Variants in PLPP4 observed in about 807,000 individuals in gnomAD.
PLPP4 encodes the protein phospholipid phosphatase 4, also known as diacylglycerol pyrophosphate like 2.
A neutral mutation model predicts 32.2 loss-of-function variants in PLPP4; 20 were observed. The observed-to-expected ratio is 0.62, with a 90% CI of 0.44 to 0.90. The LOEUF is 0.90. Among genes scored for constraint, PLPP4 ranks in the 40% least tolerant of loss-of-function variants. The pLI, the probability that PLPP4 is intolerant of heterozygous loss-of-function variation, is 0.00. For synonymous variants in PLPP4, 127 were observed against 133.0 expected, an observed-to-expected ratio of 0.95 and a Z score of 0.31; for missense variants, 257 against 353.1, an observed-to-expected ratio of 0.73 and a Z score of 2.18.
At chr10:120,501,557 T>C (rs1845251306) in intron 1 of PLPP4, among the ~76,000 whole-genome samples, 1 of 152,214 alleles carries the variant, frequency 6.6e-6, no homozygotes, top group Non-Finnish European at 1.5e-5. Flanking sequence ...GTTAAATGAC[T>C]CATTATGTGC....
At chr10:120,489,256 G>A (rs1157275516) in intron 1 of PLPP4, among the ~76,000 whole-genome samples, 4 of 152,208 alleles carry the variant, frequency 2.6e-5, no homozygotes, top group Non-Finnish European at 4.4e-5. Context: ...TGATAGCGGT[G>A]GTGGACAGGG....
chr10:120,521,056 T>A lies in PLPP4; in HGVS notation c.406T>A (p.Ser136Thr). The A allele has an allele frequency of 6.2e-7, 1 of 1,614,128 alleles. No homozygotes were observed. Among genetic ancestry groups the A allele is most frequent in the Non-Finnish European group, 8.5e-7 (1 of 1,180,004 alleles). The change falls in exon 5 of 7, where the codon TCC becomes ACC. Residue 136 changes from serine to threonine, a missense_variant. Transcript: ENST00000398250. ...MHCTGDPDLV[S>T]EGRKSFPSIH... ...TTGCACAGGTGACCCCGATCTGGTGTCCGAGGGCCGCAAAAGCTTCCCCAG... is the reference window on the plus strand; with the variant it reads ...TTGCACAGGTGACCCCGATCTGGTGACCGAGGGCCGCAAAAGCTTCCCCAG...
At chr10:120,583,273 G>C (rs1395713724) in intron 6 of PLPP4, among the ~76,000 whole-genome samples, 1 of 151,796 alleles carries the variant, frequency 6.6e-6, no homozygotes, top group African/African-American at 2.4e-5. Context: ...CAGTATGGCA[G>C]AACTCATAAG....
chr10:120,561,791 C>T (rs879278421), intron 5 of PLPP4, among the ~76,000 whole-genome samples: 1 of 152,158 alleles, frequency 6.6e-6, no homozygotes, highest in Non-Finnish European at 1.5e-5. Flanking sequence ...AATGCTTTCT[C>T]CCAGAAGTGA....
intron 6 of PLPP4, among the ~76,000 whole-genome samples, chr10:120,579,492 T>C (rs11199418): frequency 0.42 from 64,078 of 151,968 alleles, 13,823 homozygotes; most frequent in Non-Finnish European, 0.47. Flanking sequence ...CTAAATATAG[T>C]TACCAAGCTT....
In PLPP4 at chr10:120,575,229, G is replaced by A. The variant is rs752305239; in HGVS notation, c.544G>A (p.Ala182Thr). The A allele has an allele frequency of 6.2e-6, 10 of 1,614,056 alleles. No homozygotes were observed. Among genetic ancestry groups the A allele is most frequent in the Non-Finnish European group, 5.1e-6 (6 of 1,180,032 alleles). ...GRGKSWRLCA[A>T]ILPLYCAMMI... Reference sequence around the variant, plus strand: ...GGGAAAGAGCTGGCGGCTCTGTGCTGCCATCCTGCCCTTGTACTGCGCCAT... The same window carrying A: ...GGGAAAGAGCTGGCGGCTCTGTGCTACCATCCTGCCCTTGTACTGCGCCAT... Residue 182 changes from alanine to threonine, a missense_variant, in exon 6 of 7, where the codon GCC becomes ACC. Physicochemically the swap from Ala to Thr is moderately conservative, Grantham distance 58. Transcript: ENST00000398250.
At chr10:120,552,165 G>GGTGTGAGT (rs1847933111) in intron 5 of PLPP4, among the ~76,000 whole-genome samples, 1 of 138,546 alleles carries the variant, frequency 7.2e-6, no homozygotes, top group East Asian at 2.2e-4. Flanking sequence ...GTGGTGGTGG[G>GGTGTGAGT]GTGTGTGTGT....
At chr10:120,462,899 AG>A (rs969224647) in intron 1 of PLPP4, among the ~76,000 whole-genome samples, 3 of 151,446 alleles carry the variant, frequency 2.0e-5, no homozygotes, top group African/African-American at 7.3e-5. Flanking sequence ...TGTAAGAGGG[AG>A]GGGGACTTTT....
At chr10:120,461,342 A>G (rs1848037894) in intron 1 of PLPP4, among the ~76,000 whole-genome samples, 1 of 152,200 alleles carries the variant, frequency 6.6e-6, no homozygotes, top group Non-Finnish European at 1.5e-5. Flanking sequence ...CTGTATTTAC[A>G]AGATTGCAGA....
intron 5 of PLPP4, among the ~76,000 whole-genome samples, chr10:120,543,202 C>T (rs1444784995): frequency 6.6e-6 from 1 of 152,136 alleles, no homozygotes; most frequent in Non-Finnish European, 1.5e-5. Flanking sequence ...CCAGGGACAC[C>T]CAGGGGACTA....
intron 1 of PLPP4, among the ~76,000 whole-genome samples, chr10:120,481,005 A>T (rs756282058): frequency 2.3e-4 from 35 of 152,204 alleles, no homozygotes; most frequent in Admixed American, 1.0e-3. Context: ...CTGATTGTAC[A>T]TCTTCCCTTT....
chr10:120,569,287 T>G (rs1038018714), intron 5 of PLPP4, among the ~76,000 whole-genome samples: 6 of 151,602 alleles, frequency 4.0e-5, no homozygotes, highest in Non-Finnish European at 8.8e-5. Context: ...CTTTCCCTCC[T>G]TGTATCTGCC....
rs1278427158 is a variant in PLPP4 at position 120,459,765 on chromosome 10, G to GC, written c.56+2409dup. Among the ~76,000 whole-genome samples the GC allele has an allele frequency of 3.9e-5, 6 of 152,242 alleles. 1 individual carries two copies. In the Middle Eastern group the frequency reaches 0.014, roughly 345 times the overall value. ...GTATCTTGCTTCTTTGCAAACTTAT[G>GC]CCCCCGGAGAAACATCACCTGTAGA... On this transcript the variant is annotated intron_variant, in intron 1 of 6. Coordinates refer to ENST00000398250, the MANE Select transcript of PLPP4 (RefSeq NM_001030059.3).
At chr10:120,588,125 C>G (rs571564243) in intron 6 of PLPP4, among the ~76,000 whole-genome samples, 1 of 152,318 alleles carries the variant, frequency 6.6e-6, no homozygotes, top group African/African-American at 2.4e-5. Flanking sequence ...GAAGTCTGTA[C>G]GGTTCAACAA....
chr10:120,584,803 C>A (rs1849675940), intron 6 of PLPP4, among the ~76,000 whole-genome samples: 1 of 152,202 alleles, frequency 6.6e-6, no homozygotes, highest in Non-Finnish European at 1.5e-5. Flanking sequence ...TGCTGAGAAG[C>A]AGCTTGGATA....
rs139369255 is a variant in PLPP4, at chr10:120,586,458, A to G, written c.617-2845A>G. On this transcript the variant is annotated intron_variant, in intron 6 of 6. Transcript: ENST00000398250. ...AAATGCACCTTGGTAGAGTCTCCAA[A>G]TAATCTCAATGTGTGGCCTCAGTAG... Among the ~76,000 whole-genome samples, 368 of 152,238 alleles carry G rather than the reference A, an allele frequency of 2.4e-3. 2 individuals are homozygous for G. The highest frequency in any genetic ancestry group is 7.9e-3 in the African/African-American group (328 of 41,540).
chr10:120,580,325 C>T (rs952249500), intron 6 of PLPP4, among the ~76,000 whole-genome samples: 4 of 152,050 alleles, frequency 2.6e-5, no homozygotes, highest in African/African-American at 9.7e-5. Flanking sequence ...TGCTGCCTTC[C>T]TTTTATGGCT....
chr10:120,576,947 A>G (rs1373037344), intron 6 of PLPP4, among the ~76,000 whole-genome samples: 5 of 152,228 alleles, frequency 3.3e-5, no homozygotes, highest in Non-Finnish European at 7.3e-5. Context: ...TACGGGCCAA[A>G]TGGCCTTTTA....
intron 5 of PLPP4, among the ~76,000 whole-genome samples, chr10:120,566,820 G>A (rs533838246): frequency 2.0e-5 from 3 of 152,334 alleles, no homozygotes; most frequent in East Asian, 3.9e-4. Flanking sequence ...CTCCCAAAGT[G>A]CTGGGATTAC....
Sources: gnomAD v4.1 joint callset for allele counts (sites outside exome capture counted in the v4.1 genomes callset) on GRCh38, gnomAD v4.1.1 for gene constraint, MANE v1.5 for transcripts, NCBI Gene and HGNC (gene_info 2026-07-23, HGNC 2026-07-21) for gene names.